TPH1: variants seen among roughly 807,000 people sequenced by gnomAD.
TPH1 encodes the protein tryptophan hydroxylase 1.
In TPH1, 37 loss-of-function variants were observed where a neutral mutation model predicts 49.5. The observed-to-expected ratio is 0.75, with a 90% CI of 0.58 to 0.98. The LOEUF (loss-of-function observed/expected upper bound fraction) is 0.98, where lower values mean the gene tolerates loss of function less well. Ranked by LOEUF, TPH1 falls within the 50% of genes least tolerant of loss-of-function variation. TPH1 has a pLI of 0.00. For missense variants in TPH1, 487 were observed against 523.6 expected, an observed-to-expected ratio of 0.93 and a Z score of 0.68; for synonymous variants, 160 against 182.1, an observed-to-expected ratio of 0.88 and a Z score of 0.98.
At chr11:18,040,564 GC>G in intron 2 of TPH1, 81 bp downstream of exon 2, 1 of 1,346,502 alleles carries the variant, frequency 7.4e-7, no homozygotes, top group Non-Finnish European at 1.0e-6. Flanking sequence ...ATAGGGTCTT[GC>G]TATGTTGCCC....
chr11:18,023,162 CTCT>C (rs1401930773), intron 9 of TPH1: 10 of 499,914 alleles, frequency 2.0e-5, no homozygotes, highest in Non-Finnish European at 3.3e-5. Flanking sequence ...TGTTCTTCCT[CTCT>C]TCTTTGTGTA....
intron 6 of TPH1, 45 bp from the exon 7 acceptor site, chr11:18,026,670 A>G: frequency 5.6e-6 from 9 of 1,612,408 alleles, no homozygotes; most frequent in Non-Finnish European, 6.8e-6. Context: ...ACCAGAATAG[A>G]CCCCTGACTG....
At chr11:18,032,186 G>A (rs1847997169) in intron 4 of TPH1, among the ~76,000 whole-genome samples, 1 of 152,044 alleles carries the variant, frequency 6.6e-6, no homozygotes, top group Non-Finnish European at 1.5e-5. Context: ...TCCCCTCCCA[G>A]AAATGCTCTA....
At position 18,029,261 on chromosome 11, in the gene TPH1, T is replaced by G. The variant is rs200332761; in HGVS notation, c.571A>C (p.Arg191=). 1 of 1,614,012 alleles carries G rather than the reference T, an allele frequency of 6.2e-7. No homozygotes were observed. Among genetic ancestry groups the G allele is most frequent in the African/African-American group, 1.3e-5 (1 of 75,038 alleles). ...AAAGGTAAGTTTTTGAGATACTCTC[T>G]GCAAGCATGGGTTGGGTAGAGTTTG... ...LNKLYPTHAC[R]EYLKNLPLLS... The change falls in exon 6 of 11, where the codon AGA becomes CGA. Residue 191 remains arginine, a synonymous_variant. Coordinates refer to ENST00000682019, the MANE Select transcript of TPH1 (RefSeq NM_004179.3).
At position 18,029,159 on chromosome 11, in the gene TPH1, T is replaced by C; in HGVS notation, c.667+6A>G. 6.3e-7 allele frequency: 1 copy of C among 1,598,952 alleles called. No individual in the cohort carries two copies. The highest frequency in any genetic ancestry group is 1.1e-5 in the South Asian group (1 of 90,742). On this transcript the variant is annotated splice_donor_region_variant and intron_variant, in intron 6 of 10. Transcript: ENST00000682019. ...CTCCCTTACAAAAAATTAATTAGCTTATTACCTTTTAAAAAGTTGGAGACA... is the reference window on the plus strand; with the variant it reads ...CTCCCTTACAAAAAATTAATTAGCTCATTACCTTTTAAAAAGTTGGAGACA...
rs1172730556 is a variant in TPH1, at chr11:18,023,995, C to T, written c.931-12G>A. 1 of 1,582,690 alleles carries T rather than the reference C, an allele frequency of 6.3e-7. No homozygotes were observed. Among genetic ancestry groups the T allele is most frequent in the Admixed American group, 1.7e-5 (1 of 59,928 alleles). On this transcript the variant is annotated splice_polypyrimidine_tract_variant and intron_variant, in intron 8 of 10. Coordinates refer to ENST00000682019, the MANE Select transcript of TPH1 (RefSeq NM_004179.3). Reference sequence around the variant, plus strand: ...GTGAAAAAGTAGCACTGCAAAAGAACATCAATATTATTCTCACACACTGAC... The same window carrying T: ...GTGAAAAAGTAGCACTGCAAAAGAATATCAATATTATTCTCACACACTGAC...
chr11:18,026,520 T>C lies in TPH1; in HGVS notation c.773A>G (p.His258Arg), dbSNP rs1190440195. ...TGGGGTATAGAAGGGATCTGAACTG[T>C]GTCTCACATATTGAGTGCAGTGAAA... The part of the protein sequence containing the change: ...RVFHCTQYVR[H>R]SSDPFYTPEP... The change falls in exon 7 of 11, where the codon CAC (histidine) becomes CGC (arginine). Residue 258 changes from histidine to arginine, a missense_variant. Coordinates refer to ENST00000682019, the MANE Select transcript of TPH1 (RefSeq NM_004179.3). The C allele has an allele frequency of 1.2e-6, 2 of 1,613,728 alleles. No homozygotes were observed. Among genetic ancestry groups the C allele is most frequent in the Admixed American group, 3.3e-5 (2 of 59,960 alleles).
At chr11:18,033,424 ATAATCT>A (rs772679555) in intron 3 of TPH1, 50 bp from the exon 4 acceptor site, 7 of 1,344,456 alleles carry the variant, frequency 5.2e-6, no homozygotes, top group Non-Finnish European at 7.4e-6. Context: ...AGTTGAAGAG[ATAATCT>A]TAAACAAGAC....
At chr11:18,028,833 G>C (rs1387113930) in intron 6 of TPH1, among the ~76,000 whole-genome samples, 1 of 152,182 alleles carries the variant, frequency 6.6e-6, no homozygotes, top group Non-Finnish European at 1.5e-5. Context: ...GGGAGGCTGA[G>C]GAGGGTGGAT....
chr11:18,025,133 A>G (rs1847915734), intron 8 of TPH1, among the ~76,000 whole-genome samples: 1 of 152,186 alleles, frequency 6.6e-6, no homozygotes, highest in Non-Finnish European at 1.5e-5. Flanking sequence ...TGTACCTAGT[A>G]CTCAAAAACA....
At chr11:18,021,939 C>A (rs1854368381) in intron 10 of TPH1, among the ~76,000 whole-genome samples, 1 of 152,110 alleles carries the variant, frequency 6.6e-6, no homozygotes, top group African/African-American at 2.4e-5. Context: ...GAGGGGACCC[C>A]CTTTTCTAAA....
At chr11:18,039,738 G>T (rs1042157667) in intron 2 of TPH1, among the ~76,000 whole-genome samples, 2 of 152,226 alleles carry the variant, frequency 1.3e-5, no homozygotes, top group Middle Eastern at 3.4e-3. Flanking sequence ...ACTTTGTCCA[G>T]CTCCACATCC....
intron 3 of TPH1, among the ~76,000 whole-genome samples, chr11:18,035,273 A>T (rs1231995968): frequency 6.6e-6 from 1 of 152,246 alleles, no homozygotes; most frequent in African/African-American, 2.4e-5. Flanking sequence ...ATTGTGAATT[A>T]TAGGTTTGTC....
intron 6 of TPH1, among the ~76,000 whole-genome samples, chr11:18,027,047 C>T (rs1847935643): frequency 1.3e-5 from 2 of 152,194 alleles, no homozygotes; most frequent in Non-Finnish European, 2.9e-5. Context: ...AAATCATTAA[C>T]AAGATGTATT....
intron 6 of TPH1, among the ~76,000 whole-genome samples, chr11:18,028,405 C>T (rs868685272): frequency 1.3e-5 from 2 of 152,292 alleles, no homozygotes; most frequent in Non-Finnish European, 1.5e-5. Flanking sequence ...TCTCATCAGC[C>T]TATTCTATTT....
chr11:18,024,129 T>C, intron 8 of TPH1, 146 bp from the exon 9 acceptor site: 1 of 699,524 alleles, frequency 1.4e-6, no homozygotes, highest in Middle Eastern at 3.2e-4. Flanking sequence ...TCTGACCTCA[T>C]TCTAAACCAG....
Position 18,021,066 on chromosome 11 carries a change from G to A in TPH1, c.1260C>T (p.Ala420=). 1 of 1,614,054 alleles carries A rather than the reference G, an allele frequency of 6.2e-7. No individual in the cohort carries two copies. The highest frequency in any genetic ancestry group is 1.3e-5 in the African/African-American group (1 of 75,028). ...ILKDTKSITS[A]MNELQHDLDV... ...CGAGATCATGCTGCAGCTCATTCAT[G>A]GCACTGGTTATGCTCTTGGTGTCTT... The change falls in exon 11 of 11, where the codon GCC becomes GCT. Residue 420 remains alanine, a synonymous_variant. Transcript: ENST00000682019.
Position 18,026,597 on chromosome 11 carries a change from C to G in TPH1, c.696G>C (p.Val232=). The G allele has an allele frequency of 6.2e-7, 1 of 1,613,938 alleles. No homozygotes were observed. Among genetic ancestry groups the G allele is most frequent in the East Asian group, 2.2e-5 (1 of 44,864 alleles). ...AATCTCTTGGTGATAAGTAACCAGC[C>G]ACAGGACGGATGGAAAAACCTGTAC... ...KERTGFSIRP[V]AGYLSPRDFL... The change falls in exon 7 of 11, where the codon GTG becomes GTC. Residue 232 remains valine, a synonymous_variant. Coordinates refer to ENST00000682019, the MANE Select transcript of TPH1 (RefSeq NM_004179.3).
intron 2 of TPH1, among the ~76,000 whole-genome samples, chr11:18,038,142 T>C (rs986962476): frequency 2.8e-5 from 4 of 142,924 alleles, no homozygotes; most frequent in Non-Finnish European, 3.2e-5. Flanking sequence ...TTTTACTTCA[T>C]TGTTGAAAAT....
Sources: gnomAD v4.1 joint callset for allele counts (sites outside exome capture counted in the v4.1 genomes callset) on GRCh38, gnomAD v4.1.1 for gene constraint, MANE v1.5 for transcripts, NCBI Gene and HGNC (gene_info 2026-07-23, HGNC 2026-07-21) for gene names.